The following SYDE1 variants were observed in gnomAD, a reference collection of about 807,000 sequenced individuals.
SYDE1 encodes the protein rho GTPase-activating protein SYDE1.
SYDE1 carries 34 observed loss-of-function variants against 63.3 expected under a neutral mutation model. The observed-to-expected ratio is 0.54, with a 90% CI of 0.41 to 0.71. SYDE1 has a LOEUF of 0.71. SYDE1 is among the 30% of genes least tolerant of loss of function. The pLI is 0.00. For missense variants in SYDE1, 925 were observed against 1,042.5 expected (o/e 0.89, Z 1.55); for synonymous variants, 467 against 473.4 (o/e 0.99, Z 0.18).
Position 15,110,214 on chromosome 19 carries a change from G to T in SYDE1, c.941G>T (p.Arg314Leu). 2 of 1,417,366 alleles carry T rather than the reference G, an allele frequency of 1.4e-6. No individual in the cohort carries two copies. Among genetic ancestry groups the T allele is most frequent in the Non-Finnish European group, 9.2e-7 (1 of 1,088,492 alleles). The allele number at this position is 1,417,366 out of a possible 1,614,324, so 87.8% of individuals were successfully genotyped here. A position where few individuals can be genotyped will look rare whatever the true frequency, so the allele number is the denominator to read the frequency against. Residue 314 changes from arginine (R) to leucine (L), a missense_variant, in exon 3 of 8, where the codon CGG (arginine) becomes CTG (leucine). Physicochemically the swap from Arg to Leu is moderately radical, Grantham distance 102 (BLOSUM62 -2). Around this residue, in one of 3 missense-constraint regions of SYDE1, gnomAD observed 599 missense variants for 653.7 expected, o/e 0.92. Coordinates refer to ENST00000342784, the MANE Select transcript of SYDE1 (RefSeq NM_033025.6). This position sits in a 1 kb window ranked among gnomAD's most constrained non-coding sequence, Gnocchi z 6.9. ...GPLRGGPDFL[R>L]LDHTFHLELE... ...CTGCGAGGGGGGCCGGACTTCCTGC[G>T]GCTGGACCACACCTTCCACCTGGAG...
chr19:15,110,033 G>A lies in SYDE1; in HGVS notation c.760G>A (p.Gly254Ser). The change falls in exon 3 of 8, where the codon GGT (glycine) becomes AGT (serine). Residue 254 changes from glycine (G) to serine (S), a missense_variant. Around this residue, in one of 3 missense-constraint regions of SYDE1, gnomAD observed 599 missense variants for 653.7 expected, o/e 0.92. Coordinates refer to ENST00000342784, the MANE Select transcript of SYDE1 (RefSeq NM_033025.6). The surrounding 1 kb of genome is among the most constrained non-coding windows in gnomAD (Gnocchi z 6.9). ...CACCTCCTTCCGGCCCTACGAGGTG[G>A]GTCCCGCAGCCCGGGCACCCCCGGC... ...SPTSFRPYEV[G>S]PAARAPPAAL... 1 of 1,504,138 alleles carries A rather than the reference G, an allele frequency of 6.6e-7. No individual in the cohort carries two copies. Among genetic ancestry groups the A allele is most frequent in the Non-Finnish European group, 8.8e-7 (1 of 1,134,182 alleles). 93.2% of individuals were successfully genotyped at this position (1,504,138 alleles called of 1,614,324 possible). A position where few individuals can be genotyped will look rare whatever the true frequency, so the allele number is the denominator to read the frequency against.
Position 15,110,785 on chromosome 19 carries a change from T to C in SYDE1, c.1290+50T>C. The C allele has an allele frequency of 7.0e-7, 1 of 1,425,038 alleles. No individual in the cohort carries two copies. The highest frequency in any genetic ancestry group is 9.4e-7 in the Non-Finnish European group (1 of 1,061,896). The allele number at this position is 1,425,038 out of a possible 1,614,324, so 88.3% of individuals were successfully genotyped here. ...CTCTGGCCCCCAGACCTCAGACCACTCTTCAGGACACCCTATGTACAGATG... is the reference window on the plus strand; with the variant it reads ...CTCTGGCCCCCAGACCTCAGACCACCCTTCAGGACACCCTATGTACAGATG... On this transcript the variant is annotated intron_variant, in intron 4 of 7. Transcript: ENST00000342784. The surrounding 1 kb of genome is among the most constrained non-coding windows in gnomAD (Gnocchi z 6.9).
In SYDE1 at chr19:15,114,132, C is replaced by T; in HGVS notation, c.*169C>T. On this transcript the variant is annotated 3_prime_UTR_variant, in exon 8 of 8. Transcript: ENST00000342784. Reference sequence around the variant, plus strand: ...TATGGCTGAGACTCATTCCCAGTTTCCAGGGCCCGGTATTTGGACACTAGT... The same window carrying T: ...TATGGCTGAGACTCATTCCCAGTTTTCAGGGCCCGGTATTTGGACACTAGT... The T allele has an allele frequency of 3.0e-6, 2 of 661,948 alleles. No individual in the cohort carries two copies. Among genetic ancestry groups the T allele is most frequent in the Non-Finnish European group, 5.1e-6 (2 of 394,354 alleles). The allele number at this position is 661,948 out of a possible 1,614,324, so 41.0% of individuals were successfully genotyped here.
In SYDE1 at chr19:15,111,485, C is replaced by T. The variant is rs1172693543; in HGVS notation, c.1417+46C>T. On this transcript the variant is annotated intron_variant, in intron 5 of 7. Coordinates refer to ENST00000342784, the MANE Select transcript of SYDE1 (RefSeq NM_033025.6). The surrounding 1 kb of genome is among the most constrained non-coding windows in gnomAD (Gnocchi z 5.5). ...CCTGCCTGCTCACCCCCATTCAATG[C>T]CTCACTTCAAGGCCTTGGGGCTCCT... is the stretch of plus-strand genomic sequence containing the variant. 8 of 1,608,636 alleles carry T rather than the reference C, an allele frequency of 5.0e-6. No homozygotes were observed. Among genetic ancestry groups the T allele is most frequent in the Non-Finnish European group, 5.1e-6 (6 of 1,176,250 alleles).
rs2046327260 is a variant in SYDE1, at chr19:15,109,402, G to C, written c.430+5G>C. 1 of 1,533,038 alleles carries C rather than the reference G, an allele frequency of 6.5e-7. No individual in the cohort carries two copies. The highest frequency in any genetic ancestry group is 8.8e-7 in the Non-Finnish European group (1 of 1,142,154). The allele number at this position is 1,533,038 out of a possible 1,614,324, so 95.0% of individuals were successfully genotyped here. A position where few individuals can be genotyped will look rare whatever the true frequency, so the allele number is the denominator to read the frequency against. On this transcript the variant is annotated splice_donor_5th_base_variant and intron_variant, in intron 2 of 7. Coordinates refer to ENST00000342784, the MANE Select transcript of SYDE1 (RefSeq NM_033025.6). The surrounding 1 kb of genome is among the most constrained non-coding windows in gnomAD (Gnocchi z 5.0). ...CAGAGGGCCTGGCCCCCCAAGGTAA[G>C]AACAAGCTTCCCATCCCCTTCCCCA...
Position 15,110,973 on chromosome 19 carries a change from G to A in SYDE1, c.1290+238G>A, listed in dbSNP as rs995273066. Among the ~76,000 whole-genome samples the A allele has an allele frequency of 6.6e-5, 10 of 152,294 alleles. No individual in the cohort carries two copies. In the South Asian group the frequency reaches 8.3e-4, roughly 13 times the overall value. ...CTCCTGGGGCTCAGAGTCTGATGGG[G>A]GAAAAGATACGACTCTAGTCATTCA... On this transcript the variant is annotated intron_variant, in intron 4 of 7. Transcript: ENST00000342784. This position sits in a 1 kb window ranked among gnomAD's most constrained non-coding sequence, Gnocchi z 6.9.
Position 15,111,824 on chromosome 19 carries a change from T to C in SYDE1, c.1578+32T>C. On this transcript the variant is annotated intron_variant, in intron 6 of 7. Coordinates refer to ENST00000342784, the MANE Select transcript of SYDE1 (RefSeq NM_033025.6). The surrounding 1 kb of genome is among the most constrained non-coding windows in gnomAD (Gnocchi z 5.5). ...TGGGCCTGGTGGGAGTGATGGGACTTGAGAGTGGGCTGATACCAATAGAAT... is the reference window on the plus strand; with the variant it reads ...TGGGCCTGGTGGGAGTGATGGGACTCGAGAGTGGGCTGATACCAATAGAAT... 6.5e-7 allele frequency: 1 copy of C among 1,541,920 alleles called. No homozygotes were observed. Among genetic ancestry groups the C allele is most frequent in the Non-Finnish European group, 8.7e-7 (1 of 1,143,902 alleles).
Position 15,113,544 on chromosome 19 carries a change from C to G in SYDE1, c.1805-16C>G. 2 of 1,532,610 alleles carry G rather than the reference C, an allele frequency of 1.3e-6. No individual in the cohort carries two copies. Among genetic ancestry groups the G allele is most frequent in the South Asian group, 2.5e-5 (2 of 78,700 alleles). The allele number at this position is 1,532,610 out of a possible 1,614,324, so 94.9% of individuals were successfully genotyped here. A position where few individuals can be genotyped will look rare whatever the true frequency, so the allele number is the denominator to read the frequency against. ...GGCTGTCGCCTCTTTCTATGACCTA[C>G]CCTGTCTCCCTTCAGATCCCCGCCT... On this transcript the variant is annotated splice_polypyrimidine_tract_variant and intron_variant, in intron 7 of 7. Transcript: ENST00000342784.
intron 7 of SYDE1, 22 bp downstream of exon 7, chr19:15,112,593 GCAC>G (rs759656918): frequency 6.5e-7 from 1 of 1,528,612 alleles, no homozygotes; most frequent in Non-Finnish European, 8.8e-7. Flanking sequence ...CCCAGGGCCT[GCAC>G]CACCAATCTG....
At position 15,114,001 on chromosome 19, in the gene SYDE1, G is replaced by C. The variant is rs751016780; in HGVS notation, c.*38G>C. On this transcript the variant is annotated 3_prime_UTR_variant, in exon 8 of 8. Transcript: ENST00000342784. Reference sequence around the variant, plus strand: ...GGTGGGACCCCGGTTAGTAAGGACCGGGCGCCCAGTGGCTAAGGCGGTGCC... The same window carrying C: ...GGTGGGACCCCGGTTAGTAAGGACCCGGCGCCCAGTGGCTAAGGCGGTGCC... The C allele has an allele frequency of 6.3e-7, 1 of 1,579,378 alleles. No homozygotes were observed. Among genetic ancestry groups the C allele is most frequent in the Admixed American group, 1.7e-5 (1 of 57,910 alleles).
rs1480961105 is a variant in SYDE1 at position 15,109,818 on chromosome 19, T to A, written c.545T>A (p.Leu182Gln). 6.5e-7 allele frequency: 1 copy of A among 1,534,246 alleles called. No homozygotes were observed. The highest frequency in any genetic ancestry group is 8.7e-7 in the Non-Finnish European group (1 of 1,145,152). ...KLPELRRRLS[L>Q]RGPRAGRERE... ...CCGGAACTGCGGCGCCGCCTGAGCC[T>A]GCGAGGCCCCCGGGCTGGCAGGGAG... Residue 182 changes from leucine to glutamine, a missense_variant, in exon 3 of 8, where the codon CTG becomes CAG. Transcript: ENST00000342784. The surrounding 1 kb of genome is among the most constrained non-coding windows in gnomAD (Gnocchi z 5.0).
At position 15,111,392 on chromosome 19, in the gene SYDE1, C is replaced by T. The variant is rs963547344; in HGVS notation, c.1370C>T (p.Ala457Val). Reference sequence around the variant, plus strand: ...GATGCCTTTGAGCGGGACAGTGCAGCGGTCTGCCTATCTGAGGACCTGTAC... The same window carrying T: ...GATGCCTTTGAGCGGGACAGTGCAGTGGTCTGCCTATCTGAGGACCTGTAC... Reference protein sequence around the residue: ...LRDAFERDSAAVCLSEDLYPD... With the variant: ...LRDAFERDSAVVCLSEDLYPD... Residue 457 changes from alanine (A) to valine (V), a missense_variant, in exon 5 of 8, where the codon GCG becomes GTG. Ala to Val is a moderately conservative substitution (Grantham distance 64). Transcript: ENST00000342784. The surrounding 1 kb of genome is among the most constrained non-coding windows in gnomAD (Gnocchi z 5.5). 12 of 1,614,094 alleles carry T rather than the reference C, an allele frequency of 7.4e-6. No homozygotes were observed. The highest frequency in any genetic ancestry group is 6.7e-5 in the East Asian group (3 of 44,872).
At chr19:15,112,293 G>A in intron 6 of SYDE1, 53 bp from the exon 7 acceptor site, 1 of 1,296,236 alleles carries the variant, frequency 7.7e-7, no homozygotes, top group Non-Finnish European at 1.1e-6. Flanking sequence ...TTGCAGGTAG[G>A]TGCCACAGGG....
chr19:15,107,611 G>A (rs1003889313), intron 1 of SYDE1, 90 bp downstream of exon 1: 2 of 869,786 alleles, frequency 2.3e-6, no homozygotes, highest in African/African-American at 1.8e-5. Flanking sequence ...ACGGTGGGGG[G>A]GATCAGGGGG....
Position 15,111,309 on chromosome 19 carries a change from C to T in SYDE1, c.1291-4C>T. The stretch of plus-strand genomic sequence containing the variant: ...AGACATTCACTCTCTCTTCCCACCC[C>T]CAGGTAGTGGGACTGTACCGTCTTT... On this transcript the variant is annotated splice_polypyrimidine_tract_variant and splice_region_variant and intron_variant, in intron 4 of 7. Transcript: ENST00000342784. The surrounding 1 kb of genome is among the most constrained non-coding windows in gnomAD (Gnocchi z 5.5). The T allele has an allele frequency of 6.2e-7, 1 of 1,614,058 alleles. No homozygotes were observed. The highest frequency in any genetic ancestry group is 8.5e-7 in the Non-Finnish European group (1 of 1,179,950).
chr19:15,112,527 A>G lies in SYDE1; in HGVS notation c.1760A>G (p.Lys587Arg). The G allele has an allele frequency of 6.2e-7, 1 of 1,604,232 alleles. No individual in the cohort carries two copies. Among genetic ancestry groups the G allele is most frequent in the Non-Finnish European group, 8.5e-7 (1 of 1,175,542 alleles). ...GPGLASAVDF[K>R]HHIEVLHYLL... is the part of the protein sequence containing the mutation. ...GGCCTTGCCAGTGCAGTGGACTTCA[A>G]GCACCACATCGAGGTGCTGCACTAC... is the stretch of plus-strand genomic sequence containing the variant. Residue 587 changes from lysine to arginine, a missense_variant, in exon 7 of 8, where the codon AAG becomes AGG. Physicochemically the swap from Lys to Arg is conservative, Grantham distance 26. This residue lies in a region of SYDE1 where 255 missense variants were observed against 255.9 expected (regional missense o/e 1.00). Transcript: ENST00000342784.
chr19:15,109,285 C>G lies in SYDE1; in HGVS notation c.318C>G (p.Pro106=). ...LGPGVPGTGE[P]AGEIWYNPIP... is the part of the protein sequence containing the mutation. ...CTGGGGTACCTGGCACTGGGGAGCC[C>G]GCCGGCGAGATCTGGTACAACCCCA... Residue 106 remains proline, a synonymous_variant, in exon 2 of 8, where the codon CCC becomes CCG. Transcript: ENST00000342784. This position sits in a 1 kb window ranked among gnomAD's most constrained non-coding sequence, Gnocchi z 5.0. The G allele has an allele frequency of 6.2e-7, 1 of 1,612,962 alleles. No individual in the cohort carries two copies. The highest frequency in any genetic ancestry group is 8.5e-7 in the Non-Finnish European group (1 of 1,179,572).
rs1226739320 is a variant in SYDE1, at chr19:15,110,155, A to G, written c.882A>G (p.Gln294=). 7.1e-7 allele frequency: 1 copy of G among 1,406,082 alleles called. No homozygotes were observed. The highest frequency in any genetic ancestry group is 2.8e-5 in the East Asian group (1 of 35,370). The allele number at this position is 1,406,082 out of a possible 1,614,324, so 87.1% of individuals were successfully genotyped here. The change falls in exon 3 of 8, where the codon CAA becomes CAG. Residue 294 remains glutamine (Q), a synonymous_variant. Transcript: ENST00000342784. This position sits in a 1 kb window ranked among gnomAD's most constrained non-coding sequence, Gnocchi z 6.9. ...ATPRDLCCLL[Q]VDGEARARTG... is the part of the protein sequence containing the mutation. ...CCAGGGACCTCTGCTGCCTACTGCA[A>G]GTGGATGGGGAGGCCAGGGCCCGAA...
At chr19:15,112,930 A>G (rs2046354599) in intron 7 of SYDE1, among the ~76,000 whole-genome samples, 1 of 151,960 alleles carries the variant, frequency 6.6e-6, no homozygotes, top group South Asian at 2.1e-4. Flanking sequence ...TTTGAGATGG[A>G]GTCTTGCTCT....
Sources: gnomAD v4.1 joint callset for allele counts (sites outside exome capture counted in the v4.1 genomes callset) on GRCh38, gnomAD v4.1.1 for gene constraint, gnomAD v4.1.1 regional missense constraint, Gnocchi (gnomAD v3.1) non-coding constraint, MANE v1.5 for transcripts, NCBI Gene and HGNC (gene_info 2026-07-23, HGNC 2026-07-21) for gene names.